The following GRAMD2B variants were observed in gnomAD, a reference collection of about 807,000 sequenced individuals.
GRAMD2B encodes the protein GRAM domain-containing protein 2B.
A neutral mutation model predicts 59.2 loss-of-function variants in GRAMD2B; 41 were observed. That is an observed-to-expected ratio of 0.69 (90% CI 0.54 to 0.90). The LOEUF (loss-of-function observed/expected upper bound fraction) is 0.90. GRAMD2B is among the 40% of genes least tolerant of loss of function. GRAMD2B has a pLI of 0.00. For synonymous variants in GRAMD2B, 161 were observed against 182.7 expected, an observed-to-expected ratio of 0.88 and a Z score of 0.96; for missense variants, 424 against 500.5, an observed-to-expected ratio of 0.85 and a Z score of 1.46.
At position 126,392,125 on chromosome 5, in the gene GRAMD2B, C is replaced by T. The variant is rs138854676; in HGVS notation, c.125+20558C>T. The stretch of plus-strand genomic sequence containing the variant: ...ACATTTAAGTTTTCCAAAACACTTC[C>T]CTTTTCTCTTTTCACTAAAATTGTG... On this transcript the variant is annotated intron_variant, in intron 1 of 8. Transcript: ENST00000506445. Among the ~76,000 whole-genome samples, 55 of 152,264 alleles carry T rather than the reference C, an allele frequency of 3.6e-4. No individual in the cohort carries two copies. The East Asian group carries it at 9.8e-3, about 27-fold the overall frequency.
chr5:126,449,529 G>T (rs539189321), intron 1 of GRAMD2B, among the ~76,000 whole-genome samples: 1 of 151,702 alleles, frequency 6.6e-6, no homozygotes, highest in East Asian at 1.9e-4. Context: ...CTTATTTTTC[G>T]CCATGGGATA....
At chr5:126,464,331 T>G (rs73785314) in intron 1 of GRAMD2B, among the ~76,000 whole-genome samples, 7,036 of 152,124 alleles carry the variant, frequency 0.046, 561 homozygotes, top group African/African-American at 0.16. Flanking sequence ...CTCCATGGAG[T>G]CCTCACATCC....
chr5:126,428,844 TC>T (rs1464308813), intron 1 of GRAMD2B, among the ~76,000 whole-genome samples: 1 of 152,172 alleles, frequency 6.6e-6, no homozygotes, highest in Non-Finnish European at 1.5e-5. Context: ...AAATTCCATC[TC>T]ACACCAGTCA....
At chr5:126,392,260 T>C (rs1365379811) in intron 1 of GRAMD2B, among the ~76,000 whole-genome samples, 2 of 152,166 alleles carry the variant, frequency 1.3e-5, no homozygotes, top group African/African-American at 4.8e-5. Flanking sequence ...GAACTCACCA[T>C]TATTCGACTC....
At chr5:126,435,421 G>A (rs1762247512) in intron 1 of GRAMD2B, among the ~76,000 whole-genome samples, 1 of 152,138 alleles carries the variant, frequency 6.6e-6, no homozygotes, top group South Asian at 2.1e-4. Flanking sequence ...GTTTTTGATG[G>A]GCACTTAGGG....
chr5:126,394,808 T>C (rs1757216134), intron 1 of GRAMD2B, among the ~76,000 whole-genome samples: 1 of 152,256 alleles, frequency 6.6e-6, no homozygotes, highest in Admixed American at 6.5e-5. Flanking sequence ...ACTGTAAATG[T>C]ATTAAATAAA....
intron 1 of GRAMD2B, among the ~76,000 whole-genome samples, chr5:126,379,560 A>T (rs1283192276): frequency 1.1e-4 from 17 of 152,078 alleles, no homozygotes; most frequent in Admixed American, 1.1e-3. Context: ...CATCCACACC[A>T]ACATCTATTA....
chr5:126,452,352 A>G (rs1344726159), intron 1 of GRAMD2B, among the ~76,000 whole-genome samples: 1 of 152,100 alleles, frequency 6.6e-6, no homozygotes, highest in Admixed American at 6.5e-5. Context: ...CAAAAGCCCC[A>G]CATCCTAATG....
At chr5:126,410,072 T>C (rs968962640) in intron 1 of GRAMD2B, among the ~76,000 whole-genome samples, 43 of 152,084 alleles carry the variant, frequency 2.8e-4, no homozygotes, top group Non-Finnish European at 4.6e-4. Flanking sequence ...ACCAGTACCA[T>C]GCTGTTTTGG....
At chr5:126,405,117 T>C (rs1043672842) in intron 1 of GRAMD2B, among the ~76,000 whole-genome samples, 1 of 151,782 alleles carries the variant, frequency 6.6e-6, no homozygotes, top group Non-Finnish European at 1.5e-5. Context: ...TAATCCTGAC[T>C]ATGACTGGGG....
intron 1 of GRAMD2B, among the ~76,000 whole-genome samples, chr5:126,430,059 G>A (rs1761324267): frequency 1.3e-5 from 2 of 152,050 alleles, no homozygotes; most frequent in Admixed American, 1.3e-4. Flanking sequence ...TTTTTTAAAT[G>A]TTCAGCTTTA....
chr5:126,492,361 C>T (rs1774095193), intron 13 of GRAMD2B, among the ~76,000 whole-genome samples: 1 of 151,834 alleles, frequency 6.6e-6, no homozygotes, highest in Non-Finnish European at 1.5e-5. Flanking sequence ...TCAGTCTCTA[C>T]TGACATTTTC....
chr5:126,361,797 T>G (rs949971532), intron 1 of GRAMD2B, among the ~76,000 whole-genome samples: 4 of 152,196 alleles, frequency 2.6e-5, no homozygotes, highest in Non-Finnish European at 5.9e-5. Context: ...CTCAAAATGA[T>G]GTCTTTCCTG....
intron 1 of GRAMD2B, among the ~76,000 whole-genome samples, chr5:126,365,810 T>G (rs1754415078): frequency 6.6e-6 from 1 of 152,080 alleles, no homozygotes; most frequent in East Asian, 1.9e-4. Context: ...TAAAATCAAC[T>G]ATCTCAAATC....
At chr5:126,431,857 C>G (rs912016886) in intron 1 of GRAMD2B, among the ~76,000 whole-genome samples, 10 of 152,200 alleles carry the variant, frequency 6.6e-5, no homozygotes, top group African/African-American at 2.2e-4. Context: ...TCTCTGTATT[C>G]TATTCCATGT....
intron 1 of GRAMD2B, among the ~76,000 whole-genome samples, chr5:126,439,278 T>TATATGTTG (rs1762908827): frequency 6.6e-6 from 1 of 152,018 alleles, no homozygotes; most frequent in Non-Finnish European, 1.5e-5. Context: ...CATATATGTC[T>TATATGTTG]ATATGTTGAA....
intron 12 of GRAMD2B, 106 bp from the exon 13 acceptor site, chr5:126,488,688 ATTCTC>A: frequency 1.5e-6 from 1 of 677,126 alleles, no homozygotes; most frequent in South Asian, 2.0e-5. Context: ...TGAAATGTTC[ATTCTC>A]TTCTATTATA....
At chr5:126,418,205 G>T (rs1759420038) in intron 1 of GRAMD2B, among the ~76,000 whole-genome samples, 1 of 152,124 alleles carries the variant, frequency 6.6e-6, no homozygotes, top group South Asian at 2.1e-4. Context: ...AAACCACCAT[G>T]CTGGATGATC....
rs1268008475 is a variant in GRAMD2B, at chr5:126,473,367, AG to A, written c.486+1del. The A allele has an allele frequency of 7.6e-7, 1 of 1,314,484 alleles. No individual in the cohort carries two copies. Among genetic ancestry groups the A allele is most frequent in the Non-Finnish European group, 1.0e-6 (1 of 952,438 alleles). The allele number at this position is 1,314,484 out of a possible 1,614,324, so 81.4% of individuals were successfully genotyped here. A position where few individuals can be genotyped will look rare whatever the true frequency, so the allele number is the denominator to read the frequency against. On this transcript the variant is annotated frameshift_variant and splice_region_variant, in exon 5 of 14. Transcript: ENST00000285689. LOFTEE classifies it high-confidence loss of function. ...FHSKVFGKDT[K>X]ISIPAFSVTL... ...TCCAAAGTCTTTGGAAAAGACACAA[AG>A]GTTGGTATAATTAAAAAAAAAAATG...
Sources: allele counts gnomAD v4.1 joint callset (sites outside exome capture counted in the v4.1 genomes callset), GRCh38; gene constraint gnomAD v4.1.1; transcripts MANE v1.5; gene names NCBI Gene and HGNC (gene_info 2026-07-23, HGNC 2026-07-21).